Variants in ENTREP2 observed in about 807,000 individuals in gnomAD.
ENTREP2 encodes the protein protein ENTREP2.
At chr15:29,435,394 C>T in the ENTREP2 span, among the ~76,000 whole-genome samples, 67,483 of 151,736 alleles carry the variant, frequency 0.44, 15,789 homozygotes, top group African/African-American at 0.6. Flanking sequence ...ATCTGCCTGG[C>T]ACTCCCAGGA....
At chr15:29,442,571 G>A in the ENTREP2 span, among the ~76,000 whole-genome samples, 27 of 152,190 alleles carry the variant, frequency 1.8e-4, no homozygotes, top group African/African-American at 5.8e-4. Context: ...GAAAACACAT[G>A]TTCCAGGGAA....
chr15:29,257,759 T>G, the ENTREP2 span, among the ~76,000 whole-genome samples: 1 of 152,206 alleles, frequency 6.6e-6, no homozygotes, highest in Non-Finnish European at 1.5e-5. Flanking sequence ...GTAGTTAAAT[T>G]TATTTTCCTT....
At chr15:29,378,905 T>A in the ENTREP2 span, among the ~76,000 whole-genome samples, 1 of 152,218 alleles carries the variant, frequency 6.6e-6, no homozygotes, top group African/African-American at 2.4e-5. Context: ...TCCTTGCATC[T>A]ATTGTGAATG....
At chr15:29,464,397 T>C in the ENTREP2 span, among the ~76,000 whole-genome samples, 1 of 152,176 alleles carries the variant, frequency 6.6e-6, no homozygotes, top group Non-Finnish European at 1.5e-5. Context: ...ACTTTGACTC[T>C]GTTATATACT....
chr15:29,153,495 T>G, the ENTREP2 span, among the ~76,000 whole-genome samples: 7 of 152,110 alleles, frequency 4.6e-5, no homozygotes, highest in Non-Finnish European at 7.4e-5. Flanking sequence ...CTTTTAAAAG[T>G]GTATTAATCC....
chr15:29,151,757 C>T, the ENTREP2 span: 158 of 1,551,730 alleles, frequency 1.0e-4, no homozygotes, highest in Non-Finnish European at 1.2e-4. Flanking sequence ...TCGGAGGAGA[C>T]CATCTGCATA....
At chr15:29,444,166 CAGACAAAGAAAG>C in the ENTREP2 span, among the ~76,000 whole-genome samples, 4 of 53,334 alleles carry the variant, frequency 7.5e-5, no homozygotes, top group African/African-American at 1.2e-4. Context: ...GAAAGAAAGA[CAGACAAAGAAAG>C]AAAGAAAGAA....
At chr15:29,342,150 G>T in the ENTREP2 span, among the ~76,000 whole-genome samples, 1 of 152,172 alleles carries the variant, frequency 6.6e-6, no homozygotes, top group Admixed American at 6.5e-5. Context: ...GAAGTTGGGG[G>T]ATGGCAATTG....
At chr15:29,500,967 A>G in the ENTREP2 span, among the ~76,000 whole-genome samples, 1 of 152,028 alleles carries the variant, frequency 6.6e-6, no homozygotes, top group Non-Finnish European at 1.5e-5. Flanking sequence ...ACCCTAGATG[A>G]AATGGACAAA....
chr15:29,140,359 T>A, the ENTREP2 span, among the ~76,000 whole-genome samples: 1 of 152,182 alleles, frequency 6.6e-6, no homozygotes, highest in African/African-American at 2.4e-5. Flanking sequence ...GTCCACCTCC[T>A]CCTCGCAGGA....
the ENTREP2 span, among the ~76,000 whole-genome samples, chr15:29,597,930 T>G: frequency 6.6e-6 from 1 of 152,106 alleles, no homozygotes; most frequent in Non-Finnish European, 1.5e-5. Flanking sequence ...AAGACCAGCC[T>G]GGGCAACATG....
At chr15:29,123,367 A>C in the ENTREP2 span, 1 of 1,542,928 alleles carries the variant, frequency 6.5e-7, no homozygotes, top group Middle Eastern at 1.7e-4. Flanking sequence ...GTCAGCGCCG[A>C]AGACGGCCTC....
chr15:29,401,978 C>T, the ENTREP2 span, among the ~76,000 whole-genome samples: 1 of 152,040 alleles, frequency 6.6e-6, no homozygotes, highest in Non-Finnish European at 1.5e-5. Flanking sequence ...ACCTAACAAT[C>T]GGAAACTAGA....
the ENTREP2 span, among the ~76,000 whole-genome samples, chr15:29,384,403 GCTC>G: frequency 6.6e-6 from 1 of 151,988 alleles, no homozygotes; most frequent in Non-Finnish European, 1.5e-5. Flanking sequence ...CTGCCGGCAC[GCTC>G]CTGTTTCACC....
the ENTREP2 span, among the ~76,000 whole-genome samples, chr15:29,187,759 G>A: frequency 2.6e-5 from 4 of 152,128 alleles, no homozygotes; most frequent in Non-Finnish European, 4.4e-5. Flanking sequence ...TTTGTGCCAC[G>A]CCCCTCGCTG....
At chr15:29,423,631 CAA>C in the ENTREP2 span, among the ~76,000 whole-genome samples, 27,032 of 139,354 alleles carry the variant, frequency 0.19, 3,883 homozygotes, top group African/African-American at 0.41. Context: ...ACTAAAAATA[CAA>C]AAAAAAAAAA....
the ENTREP2 span, among the ~76,000 whole-genome samples, chr15:29,504,141 A>T: frequency 1.3e-5 from 2 of 152,180 alleles, no homozygotes. Flanking sequence ...AGTGACATTA[A>T]GGTGCCCCAG....
the ENTREP2 span, among the ~76,000 whole-genome samples, chr15:29,412,790 T>C: frequency 2.0e-5 from 3 of 152,154 alleles, no homozygotes; most frequent in African/African-American, 4.8e-5. Flanking sequence ...TCCTCTTTAT[T>C]GCAGCCTTAT....
chr15:29,283,175 A>G, the ENTREP2 span, among the ~76,000 whole-genome samples: 1 of 152,296 alleles, frequency 6.6e-6, no homozygotes, highest in East Asian at 1.9e-4. Flanking sequence ...GGAGCAGATG[A>G]GAGGGAGCCT....
Sources: gnomAD v4.1 joint callset for allele counts (sites outside exome capture counted in the v4.1 genomes callset) on GRCh38, gnomAD v4.1.1 for gene constraint, MANE v1.5 for transcripts, NCBI Gene and HGNC (gene_info 2026-07-23, HGNC 2026-07-21) for gene names.